Variants in AIG1 observed in about 807,000 individuals in gnomAD.
AIG1 encodes androgen-induced gene 1 protein.
A neutral mutation model predicts 31.4 loss-of-function variants in AIG1; 23 were observed. That is an observed-to-expected ratio of 0.73 (90% CI 0.53 to 1.04). The LOEUF (loss-of-function observed/expected upper bound fraction) is 1.04. Ranked by LOEUF, AIG1 falls within the 50% of genes least tolerant of loss-of-function variation. The pLI is 0.00. For synonymous variants in AIG1, 100 were observed against 110.5 expected (o/e 0.90, Z 0.60); for missense variants, 274 against 295.0 (o/e 0.93, Z 0.52).
At chr6:143,216,494 C>T (rs1347827540) in intron 3 of AIG1, among the ~76,000 whole-genome samples, 1 of 152,186 alleles carries the variant, frequency 6.6e-6, no homozygotes, top group African/African-American at 2.4e-5. Context: ...GCTTACTGTA[C>T]TCTGTTACCA....
At chr6:143,342,923 A>G (rs2128728952), downstream of AIG1, 1 of 907,632 alleles carries the variant, frequency 1.1e-6, no homozygotes, top group South Asian at 1.3e-5. Flanking sequence ...GCAAATATGT[A>G]TGTTTTGTGG....
At chr6:143,313,884 G>T (rs939978533) in intron 4 of AIG1, among the ~76,000 whole-genome samples, 2 of 151,826 alleles carry the variant, frequency 1.3e-5, no homozygotes, top group African/African-American at 4.8e-5. Context: ...AAATTAAAAA[G>T]CCCTACAGCT....
At chr6:143,214,511 T>C (rs1238972622) in intron 3 of AIG1, among the ~76,000 whole-genome samples, 1 of 152,216 alleles carries the variant, frequency 6.6e-6, no homozygotes, top group East Asian at 1.9e-4. Flanking sequence ...GGTCATACTT[T>C]AACCTAAGCA....
chr6:143,232,954 T>G (rs76676911), intron 3 of AIG1, among the ~76,000 whole-genome samples: 4,049 of 152,292 alleles, frequency 0.027, 171 homozygotes, highest in African/African-American at 0.091. Flanking sequence ...CTGTTTCTTC[T>G]GTTCTGGGAG....
chr6:143,149,847 A>C (rs763022095), intron 2 of AIG1, among the ~76,000 whole-genome samples: 11 of 152,204 alleles, frequency 7.2e-5, no homozygotes, highest in Non-Finnish European at 1.2e-4. Context: ...TAATATGTGA[A>C]AATAAGGTTG....
chr6:143,266,100 A>G (rs989602987), intron 3 of AIG1, among the ~76,000 whole-genome samples: 5 of 152,240 alleles, frequency 3.3e-5, no homozygotes, highest in African/African-American at 4.8e-5. Context: ...CTGTAATCCC[A>G]GCACTGTGGG....
At chr6:143,158,028 C>CT (rs532822630) in intron 2 of AIG1, among the ~76,000 whole-genome samples, 22 of 152,300 alleles carry the variant, frequency 1.4e-4, no homozygotes, top group Non-Finnish European at 3.1e-4. Flanking sequence ...GAATTTCCAT[C>CT]TATTTTCCAC....
Position 143,251,803 on chromosome 6 carries a change from T to G in AIG1, c.400-32307T>G, listed in dbSNP as rs557846266. On this transcript the variant is annotated intron_variant, in intron 3 of 5. Transcript: ENST00000357847. ...ACTGTTCTTCCTCCCACCATCTACATCTACACGCTGGATAAGAAAGACAAT... is the reference window on the plus strand; with the variant it reads ...ACTGTTCTTCCTCCCACCATCTACAGCTACACGCTGGATAAGAAAGACAAT... Among the ~76,000 whole-genome samples, 3 of 152,296 alleles carry G rather than the reference T, an allele frequency of 2.0e-5. No homozygotes were observed. The South Asian group carries it at 6.2e-4, about 32-fold the overall frequency.
At chr6:143,124,365 C>G (rs1782501367) in intron 1 of AIG1, among the ~76,000 whole-genome samples, 1 of 152,166 alleles carries the variant, frequency 6.6e-6, no homozygotes, top group African/African-American at 2.4e-5. Flanking sequence ...ATGTGCAGTC[C>G]CTCAGTGACT....
chr6:143,307,924 C>T (rs1472139109), intron 4 of AIG1, among the ~76,000 whole-genome samples: 3 of 152,238 alleles, frequency 2.0e-5, no homozygotes, highest in Admixed American at 6.5e-5. Flanking sequence ...GCGCCCCTCC[C>T]CCAGCCTCGC....
At chr6:143,294,666 G>A (rs1798298405) in intron 4 of AIG1, among the ~76,000 whole-genome samples, 1 of 152,178 alleles carries the variant, frequency 6.6e-6, no homozygotes, top group African/African-American at 2.4e-5. Flanking sequence ...GATGTCACCA[G>A]TGACTTCTCC....
intron 3 of AIG1, among the ~76,000 whole-genome samples, chr6:143,165,816 A>G (rs1054629194): frequency 2.6e-5 from 4 of 152,184 alleles, no homozygotes; most frequent in Non-Finnish European, 5.9e-5. Context: ...ACTAGTTTCA[A>G]ATCCAGTGCT....
chr6:143,182,588 C>A (rs1440122767), intron 3 of AIG1, among the ~76,000 whole-genome samples: 1 of 152,186 alleles, frequency 6.6e-6, no homozygotes, highest in Non-Finnish European at 1.5e-5. Flanking sequence ...TCCCCACTCA[C>A]TGAAATCCCC....
intron 3 of AIG1, among the ~76,000 whole-genome samples, chr6:143,246,524 A>C (rs116356321): frequency 6.6e-6 from 1 of 152,140 alleles, no homozygotes; most frequent in Non-Finnish European, 1.5e-5. Context: ...CCCACAACAC[A>C]TGGCAATTTA....
At position 143,060,950 on chromosome 6, in the gene AIG1, C is replaced by A; in HGVS notation, c.25C>A (p.Leu9Met). The part of the protein sequence containing the change: MALVPCQV[L>M]RMAILLSYCS... The stretch of plus-strand genomic sequence containing the variant: ...CATGGCGCTTGTCCCCTGCCAGGTG[C>A]TGCGGATGGCAATCCTGCTGTCTTA... Residue 9 changes from leucine (L) to methionine (M), a missense_variant, in exon 1 of 6, where the codon CTG becomes ATG. This residue lies in a region of AIG1 where 243 missense variants were observed against 238.5 expected (regional missense o/e 1.02). Transcript: ENST00000357847. 6.2e-7 allele frequency: 1 copy of A among 1,611,990 alleles called. No homozygotes were observed. The highest frequency in any genetic ancestry group is 1.1e-5 in the South Asian group (1 of 91,042).
intron 3 of AIG1, among the ~76,000 whole-genome samples, chr6:143,203,476 A>G (rs1358125401): frequency 1.3e-5 from 2 of 152,236 alleles, no homozygotes; most frequent in African/African-American, 4.8e-5. Context: ...TGTAAATTTC[A>G]GTAAAATGTT....
At chr6:143,225,630 T>C (rs1279580491) in intron 3 of AIG1, among the ~76,000 whole-genome samples, 2 of 152,244 alleles carry the variant, frequency 1.3e-5, no homozygotes, top group African/African-American at 4.8e-5. Context: ...TTATTAGCTT[T>C]ATTTGCCTAA....
At position 143,325,365 on chromosome 6, in the gene AIG1, A is replaced by G. The variant is rs1000964650; in HGVS notation, c.516-7917A>G. 6.6e-6 allele frequency among the ~76,000 whole-genome samples: 1 copy of G among 152,154 alleles called. No homozygotes were observed. Among genetic ancestry groups the G allele is most frequent in the African/African-American group, 2.4e-5 (1 of 41,414 alleles). On this transcript the variant is annotated intron_variant, in intron 4 of 5. Coordinates refer to ENST00000357847, the MANE Select transcript of AIG1 (RefSeq NM_016108.4). The surrounding 1 kb of genome is among the most constrained non-coding windows in gnomAD (Gnocchi z 4.3). ...GTCTGTCCTGATAGTTTCAACCACA[A>G]TCTTCTTTTGCCAATGAACTTGATA... is the stretch of plus-strand genomic sequence containing the variant.
intron 3 of AIG1, among the ~76,000 whole-genome samples, chr6:143,233,585 AAAAAAAG>A (rs999796760): frequency 2.2e-4 from 34 of 151,366 alleles, no homozygotes; most frequent in African/African-American, 8.0e-4. Flanking sequence ...GGACCAAAAA[AAAAAAAG>A]AAAAGAAAAG....
Sources: allele counts gnomAD v4.1 joint callset (sites outside exome capture counted in the v4.1 genomes callset), GRCh38; gene constraint gnomAD v4.1.1; regional missense constraint gnomAD v4.1.1; non-coding constraint Gnocchi (gnomAD v3.1); transcripts MANE v1.5; gene names NCBI Gene and HGNC (gene_info 2026-07-23, HGNC 2026-07-21).